The following ARHGAP24 variants were observed in gnomAD, a reference collection of about 807,000 sequenced individuals.
ARHGAP24 encodes the protein Rho GTPase activating protein 24.
In ARHGAP24, 50 loss-of-function variants were observed where a neutral mutation model predicts 76.4. That is an observed-to-expected ratio of 0.65 (90% CI 0.52 to 0.83). The LOEUF is 0.83. ARHGAP24 is among the 40% of genes least tolerant of loss of function. ARHGAP24 has a pLI of 0.00. For synonymous variants in ARHGAP24, 345 were observed against 323.3 expected (o/e 1.07, Z -0.72); for missense variants, 930 against 914.2 (o/e 1.02, Z -0.22).
Position 85,584,696 on chromosome 4 carries a change from A to G in ARHGAP24, c.180+13975A>G, listed in dbSNP as rs1175398883. ...AATAAGTCCAGGAAGGAAAAAATAAATATTCTGTAGATATGGGCAGGATCC... is the reference window on the plus strand; with the variant it reads ...AATAAGTCCAGGAAGGAAAAAATAAGTATTCTGTAGATATGGGCAGGATCC... On this transcript the variant is annotated intron_variant, in intron 2 of 9. Transcript: ENST00000395184. Among the ~76,000 whole-genome samples the G allele has an allele frequency of 3.3e-5, 5 of 152,284 alleles. No homozygotes were observed. The East Asian group carries it at 9.6e-4, about 29-fold the overall frequency.
intron 1 of ARHGAP24, among the ~76,000 whole-genome samples, chr4:85,520,461 A>T (rs776341851): frequency 7.9e-5 from 12 of 152,184 alleles, no homozygotes; most frequent in Non-Finnish European, 1.5e-4. Context: ...TAAGATTGCC[A>T]GTCCTGTTGT....
intron 3 of ARHGAP24, among the ~76,000 whole-genome samples, chr4:85,855,232 A>G (rs1298225271): frequency 6.6e-6 from 1 of 152,238 alleles, no homozygotes; most frequent in Non-Finnish European, 1.5e-5. Flanking sequence ...GACCCTGAGC[A>G]AAAAGCAAAA....
chr4:85,999,329 G>C (rs1180725083), intron 9 of ARHGAP24, among the ~76,000 whole-genome samples: 1 of 152,178 alleles, frequency 6.6e-6, no homozygotes, highest in Non-Finnish European at 1.5e-5. Context: ...CCTTCTAAAT[G>C]ATGTAGGATT....
At chr4:85,889,902 A>G (rs186534687) in intron 3 of ARHGAP24, among the ~76,000 whole-genome samples, 5 of 152,232 alleles carry the variant, frequency 3.3e-5, no homozygotes, top group African/African-American at 1.2e-4. Context: ...TTGACCCTCC[A>G]AGACTTTTAT....
chr4:85,963,314 G>T (rs1188874214), intron 5 of ARHGAP24, among the ~76,000 whole-genome samples: 1 of 152,052 alleles, frequency 6.6e-6, no homozygotes, highest in East Asian at 1.9e-4. Context: ...TTACTTCTAA[G>T]TTAAATTTGG....
chr4:85,579,406 G>A lies in ARHGAP24; in HGVS notation c.180+8685G>A, dbSNP rs562776278. Among the ~76,000 whole-genome samples, 11 of 150,354 alleles carry A rather than the reference G, an allele frequency of 7.3e-5. 1 individual carries two copies. In the South Asian group the frequency reaches 2.3e-3, roughly 32 times the overall value. On this transcript the variant is annotated intron_variant, in intron 2 of 9. Transcript: ENST00000395184. ...TAATTTGAATATTTACATTTTTGGT[G>A]TTTACAGCAATGTGTTTTAAAAGCC...
At chr4:85,879,460 C>A (rs1214535315) in intron 3 of ARHGAP24, among the ~76,000 whole-genome samples, 1 of 151,962 alleles carries the variant, frequency 6.6e-6, no homozygotes, top group Non-Finnish European at 1.5e-5. Flanking sequence ...TCTTGTGAAT[C>A]TGAATCATGC....
intron 2 of ARHGAP24, among the ~76,000 whole-genome samples, chr4:85,645,778 C>A (rs1464642463): frequency 6.6e-6 from 1 of 152,014 alleles, no homozygotes; most frequent in African/African-American, 2.4e-5. Flanking sequence ...CACTGATAAT[C>A]CAGCTGAGAG....
intron 3 of ARHGAP24, among the ~76,000 whole-genome samples, chr4:85,864,215 G>T (rs938394043): frequency 6.6e-6 from 1 of 151,998 alleles, no homozygotes; most frequent in Non-Finnish European, 1.5e-5. Flanking sequence ...GTTAGAAAAT[G>T]ATTTAGGGCT....
chr4:85,561,810 C>T (rs543635701), intron 1 of ARHGAP24, among the ~76,000 whole-genome samples: 4 of 152,254 alleles, frequency 2.6e-5, no homozygotes, highest in African/African-American at 9.6e-5. Context: ...AGAAGGCCTC[C>T]ATCCTCAAGG....
chr4:85,924,488 A>G lies in ARHGAP24; in HGVS notation c.391+718A>G, dbSNP rs145130277. 2.2e-3 allele frequency among the ~76,000 whole-genome samples: 338 copies of G among 152,302 alleles called. 1 individual carries two copies. Among genetic ancestry groups the G allele is most frequent in the African/African-American group, 7.8e-3 (326 of 41,578 alleles). On this transcript the variant is annotated intron_variant, in intron 4 of 9. Coordinates refer to ENST00000395184, the MANE Select transcript of ARHGAP24 (RefSeq NM_001025616.3). ...AGCACAAAATTATTTATCTACAACC[A>G]CAATATATTTCCAAGAACATAATGC...
At chr4:85,850,852 A>G (rs907437856) in intron 3 of ARHGAP24, among the ~76,000 whole-genome samples, 3 of 152,078 alleles carry the variant, frequency 2.0e-5, no homozygotes, top group African/African-American at 7.2e-5. Context: ...ATTTGCTGAG[A>G]AGTACTTTAC....
chr4:85,677,930 T>C (rs7659481), intron 2 of ARHGAP24, among the ~76,000 whole-genome samples: 140,663 of 152,238 alleles, frequency 0.92, 65,035 homozygotes, highest in East Asian at 0.98. Flanking sequence ...GTCCCAGTTA[T>C]TGGGAAAACT....
rs139730183 is a variant in ARHGAP24 at position 85,582,407 on chromosome 4, C to T, written c.180+11686C>T. Among the ~76,000 whole-genome samples, 361 of 152,100 alleles carry T rather than the reference C, an allele frequency of 2.4e-3. 2 individuals carry two copies. Among genetic ancestry groups the T allele is most frequent in the African/African-American group, 8.5e-3 (351 of 41,534 alleles). ...ATAGTGTTTATTTAAGATGTTATCTCCGTTTTTGACTCTTTAAACTGCTTG... is the reference window on the plus strand; with the variant it reads ...ATAGTGTTTATTTAAGATGTTATCTTCGTTTTTGACTCTTTAAACTGCTTG... On this transcript the variant is annotated intron_variant, in intron 2 of 9. Coordinates refer to ENST00000395184, the MANE Select transcript of ARHGAP24 (RefSeq NM_001025616.3).
At chr4:85,802,763 C>A (rs1481956459) in intron 3 of ARHGAP24, among the ~76,000 whole-genome samples, 4 of 152,176 alleles carry the variant, frequency 2.6e-5, no homozygotes, top group Non-Finnish European at 5.9e-5. Context: ...TGCACTCCAA[C>A]CTGGGCAACA....
intron 8 of ARHGAP24, among the ~76,000 whole-genome samples, chr4:85,979,837 G>A (rs570890556): frequency 5.5e-4 from 83 of 152,028 alleles, no homozygotes; most frequent in Non-Finnish European, 1.0e-3. Flanking sequence ...CCCAGTATAC[G>A]TATTATTGTG....
At chr4:85,477,040 A>C (rs555735167) in intron 1 of ARHGAP24, among the ~76,000 whole-genome samples, 12 of 152,158 alleles carry the variant, frequency 7.9e-5, no homozygotes, top group Admixed American at 3.9e-4. Context: ...AATATTGACA[A>C]AACTCTGAAA....
chr4:85,612,121 C>CACAG (rs1050041217), intron 2 of ARHGAP24, among the ~76,000 whole-genome samples: 3 of 142,218 alleles, frequency 2.1e-5, no homozygotes, highest in South Asian at 2.2e-4. Context: ...CACACACACA[C>CACAG]AGACCAGTGT....
intron 1 of ARHGAP24, among the ~76,000 whole-genome samples, chr4:85,543,172 G>T (rs1725777226): frequency 6.6e-6 from 1 of 152,182 alleles, no homozygotes. Context: ...AATTGGAAAG[G>T]TATATTGGGC....
Sources: allele counts gnomAD v4.1 joint callset (sites outside exome capture counted in the v4.1 genomes callset), GRCh38; gene constraint gnomAD v4.1.1; transcripts MANE v1.5; gene names NCBI Gene and HGNC (gene_info 2026-07-23, HGNC 2026-07-21).